BCAS3: variants seen among roughly 807,000 people sequenced by gnomAD.
The protein encoded by BCAS3 is BCAS3 microtubule associated cell migration factor.
In BCAS3, 53 loss-of-function variants were observed where a neutral mutation model predicts 116.1. That is an observed-to-expected ratio of 0.46 (90% confidence interval 0.37 to 0.57). The LOEUF (loss-of-function observed/expected upper bound fraction) is 0.57. Among genes scored for constraint, BCAS3 ranks in the 20% least tolerant of loss-of-function variants. The pLI, the probability that BCAS3 is intolerant of heterozygous loss-of-function variation, is 0.00. For synonymous variants in BCAS3, 391 were observed against 408.2 expected (o/e 0.96, Z 0.51); for missense variants, 917 against 1,165.4 (o/e 0.79, Z 3.10).
At chr17:60,701,604 GAT>G (rs1012937756) in intron 4 of BCAS3, among the ~76,000 whole-genome samples, 9 of 152,020 alleles carry the variant, frequency 5.9e-5, no homozygotes, top group African/African-American at 1.9e-4. Flanking sequence ...TTAAGAAAAA[GAT>G]ATGTCATGAA....
intron 16 of BCAS3, among the ~76,000 whole-genome samples, chr17:61,033,539 C>G (rs2066800157): frequency 6.6e-6 from 1 of 152,138 alleles, no homozygotes; most frequent in Non-Finnish European, 1.5e-5. Context: ...TTCCTGACTC[C>G]AAAACTATCT....
At chr17:60,718,529 G>C (rs943811651) in intron 5 of BCAS3, among the ~76,000 whole-genome samples, 11 of 152,104 alleles carry the variant, frequency 7.2e-5, no homozygotes, top group Non-Finnish European at 1.6e-4. Context: ...CTACCTCATG[G>C]GTTCAGTTGA....
chr17:60,700,197 A>G (rs2036209652), intron 4 of BCAS3, among the ~76,000 whole-genome samples: 1 of 150,766 alleles, frequency 6.6e-6, no homozygotes, highest in Non-Finnish European at 1.5e-5. Flanking sequence ...AAGCAGTTCA[A>G]CTCTTACGTG....
chr17:60,843,219 A>AT (rs10716314), intron 7 of BCAS3, among the ~76,000 whole-genome samples: 159 of 136,038 alleles, frequency 1.2e-3, no homozygotes, highest in South Asian at 3.5e-3. Context: ...TTGTTTGTTA[A>AT]TTTTTTTTTT....
chr17:61,082,545 A>G lies in BCAS3; in HGVS notation c.2328-1922A>G, dbSNP rs553484604. 9.2e-5 allele frequency among the ~76,000 whole-genome samples: 14 copies of G among 152,328 alleles called. No individual in the cohort carries two copies. Among genetic ancestry groups the G allele is most frequent in the Admixed American group, 2.6e-4 (4 of 15,304 alleles). ...TCAGAAACCCCAATATAAATTGACT[A>G]ACTATAGGAGTTGTATTAGCCCACA... On this transcript the variant is annotated intron_variant, in intron 21 of 23. Transcript: ENST00000407086. The surrounding 1 kb of genome is among the most constrained non-coding windows in gnomAD (Gnocchi z 5.1).
intron 22 of BCAS3, among the ~76,000 whole-genome samples, chr17:61,108,438 G>C (rs1398007840): frequency 6.6e-6 from 1 of 151,940 alleles, no homozygotes; most frequent in African/African-American, 2.4e-5. Flanking sequence ...TTATTTATCT[G>C]TCAGGGCTTA....
intron 22 of BCAS3, among the ~76,000 whole-genome samples, chr17:61,245,848 T>G (rs1445890704): frequency 6.6e-6 from 1 of 152,206 alleles, no homozygotes; most frequent in Admixed American, 6.5e-5. Context: ...AGGTACCTAC[T>G]GCCTAGTGCA....
chr17:60,958,350 T>G (rs2061247695), intron 14 of BCAS3, among the ~76,000 whole-genome samples: 1 of 152,214 alleles, frequency 6.6e-6, no homozygotes, highest in South Asian at 2.1e-4. Context: ...TAAAGGATTT[T>G]ATTTTATTTT....
chr17:60,986,839 G>GAC (rs1466678220), intron 14 of BCAS3: 1 of 152,030 alleles, frequency 6.6e-6, no homozygotes, highest in African/African-American at 2.4e-5. Context: ...AACTTGACAT[G>GAC]ATCCCATTTG....
At chr17:61,193,036 C>A (rs920824852) in intron 22 of BCAS3, among the ~76,000 whole-genome samples, 6 of 151,994 alleles carry the variant, frequency 3.9e-5, no homozygotes, top group Admixed American at 3.9e-4. Context: ...TTGAGGCAGG[C>A]GGATCACCTG....
chr17:61,327,233 T>C lies in BCAS3; in HGVS notation c.2426-41094T>C, dbSNP rs374418001. Among the ~76,000 whole-genome samples, 55 of 152,024 alleles carry C rather than the reference T, an allele frequency of 3.6e-4. No individual in the cohort carries two copies. Among genetic ancestry groups the C allele is most frequent in the African/African-American group, 1.3e-3 (55 of 41,450 alleles). ...CAGGAGATCACTTGAACTCAGGAGG[T>C]AGAGGTTGCAGTGAGCCAAGATTGC... is the stretch of plus-strand genomic sequence containing the variant. On this transcript the variant is annotated intron_variant, in intron 22 of 23. Coordinates refer to ENST00000407086, the MANE Select transcript of BCAS3 (RefSeq NM_017679.5). This position sits in a 1 kb window ranked among gnomAD's most constrained non-coding sequence, Gnocchi z 5.9.
At chr17:60,842,731 T>C (rs1377778396) in intron 7 of BCAS3, among the ~76,000 whole-genome samples, 3 of 152,128 alleles carry the variant, frequency 2.0e-5, no homozygotes, top group Middle Eastern at 3.2e-3. Flanking sequence ...GTTTCTAAGC[T>C]CTTTCTTCTA....
chr17:61,230,690 G>A (rs998508992), intron 22 of BCAS3, among the ~76,000 whole-genome samples: 1 of 152,082 alleles, frequency 6.6e-6, no homozygotes, highest in African/African-American at 2.4e-5. Context: ...CAATCTGCTC[G>A]TAGATGGGCA....
At chr17:60,806,654 A>G (rs930852599) in intron 6 of BCAS3, among the ~76,000 whole-genome samples, 1 of 151,582 alleles carries the variant, frequency 6.6e-6, no homozygotes, top group Non-Finnish European at 1.5e-5. Flanking sequence ...GGGGGCTCAG[A>G]GGGTCCTCCT....
intron 4 of BCAS3, among the ~76,000 whole-genome samples, chr17:60,703,728 CAT>C (rs1223202221): frequency 6.6e-6 from 1 of 151,422 alleles, no homozygotes. Flanking sequence ...TCCTGGCTAA[CAT>C]GGTGAAACCC....
rs1047790372 is a variant in BCAS3 at position 61,316,621 on chromosome 17, A to G, written c.2426-51706A>G. Among the ~76,000 whole-genome samples the G allele has an allele frequency of 6.6e-6, 1 of 152,170 alleles. No individual in the cohort carries two copies. Among genetic ancestry groups the G allele is most frequent in the Non-Finnish European group, 1.5e-5 (1 of 68,036 alleles). Reference sequence around the variant, plus strand: ...GAGGGGCCTGCAGCTGGTATCTGATAAAATAAAGGAAAGGTTAGAGGGAGG... The same window carrying G: ...GAGGGGCCTGCAGCTGGTATCTGATGAAATAAAGGAAAGGTTAGAGGGAGG... On this transcript the variant is annotated intron_variant, in intron 22 of 23. Coordinates refer to ENST00000407086, the MANE Select transcript of BCAS3 (RefSeq NM_017679.5). The surrounding 1 kb of genome is among the most constrained non-coding windows in gnomAD (Gnocchi z 5.8).
chr17:60,938,530 A>G (rs1567915843), intron 13 of BCAS3, among the ~76,000 whole-genome samples: 1 of 152,146 alleles, frequency 6.6e-6, no homozygotes, highest in Non-Finnish European at 1.5e-5. Context: ...GGCTTAGCAT[A>G]AACACTAAAA....
rs548030171 is a variant in BCAS3, at chr17:61,259,221, A to T, written c.2426-109106A>T. 8.5e-5 allele frequency among the ~76,000 whole-genome samples: 13 copies of T among 152,300 alleles called. No homozygotes were observed. Among genetic ancestry groups the T allele is most frequent in the African/African-American group, 2.6e-4 (11 of 41,574 alleles). ...TAGTATCATCATTACTTGTATTTAC[A>T]TTTTTATTTTGAAAGAGCATGGGGA... On this transcript the variant is annotated intron_variant, in intron 22 of 23. Transcript: ENST00000407086. This position sits in a 1 kb window ranked among gnomAD's most constrained non-coding sequence, Gnocchi z 4.7.
At chr17:60,811,488 G>A (rs1410311705) in intron 7 of BCAS3, 6 of 492,020 alleles carry the variant, frequency 1.2e-5, no homozygotes, top group Non-Finnish European at 2.3e-5. Context: ...GTACCCTTTG[G>A]GGAGCCAGGA....
Sources: gnomAD v4.1 joint callset for allele counts (sites outside exome capture counted in the v4.1 genomes callset) on GRCh38, gnomAD v4.1.1 for gene constraint, Gnocchi (gnomAD v3.1) non-coding constraint, MANE v1.5 for transcripts, NCBI Gene and HGNC (gene_info 2026-07-23, HGNC 2026-07-21) for gene names.